HK1: variants seen among roughly 807,000 people sequenced by gnomAD.
HK1 encodes hexokinase-1.
HK1 carries 28 observed loss-of-function variants against 91.6 expected under a neutral mutation model. The observed-to-expected ratio is 0.31, with a 90% CI of 0.23 to 0.42. The LOEUF (loss-of-function observed/expected upper bound fraction) is 0.42, where lower values mean the gene tolerates loss of function less well. Ranked by LOEUF, HK1 falls within the 10% of genes least tolerant of loss-of-function variation. The pLI, the probability that HK1 is intolerant of heterozygous loss-of-function variation, is 1.00. For synonymous variants in HK1, 430 were observed against 468.1 expected, an observed-to-expected ratio of 0.92 and a Z score of 1.05; for missense variants, 770 against 1,219.8, an observed-to-expected ratio of 0.63 and a Z score of 5.49.
chr10:69,328,837 CCTTTTTTTTT>C (rs1217607532), intron 1 of HK1, among the ~76,000 whole-genome samples: 1 of 152,116 alleles, frequency 6.6e-6, no homozygotes, highest in Non-Finnish European at 1.5e-5. Flanking sequence ...CCACTATCTA[CCTTTTTTTTT>C]CTTTTTTTTT....
chr10:69,392,581 G>A (rs888176666), intron 15 of HK1, among the ~76,000 whole-genome samples: 2 of 152,156 alleles, frequency 1.3e-5, no homozygotes, highest in Non-Finnish European at 2.9e-5. Flanking sequence ...TGGCCTTCCG[G>A]TCCCCTTGCT....
intron 2 of HK1, among the ~76,000 whole-genome samples, chr10:69,359,247 A>G (rs7094651): frequency 0.47 from 71,439 of 151,914 alleles, 18,148 homozygotes; most frequent in African/African-American, 0.66. Context: ...GGAAATGGAA[A>G]TTATTGCTTA....
At chr10:69,370,797 G>T (rs1849960639) in intron 7 of HK1, among the ~76,000 whole-genome samples, 1 of 152,156 alleles carries the variant, frequency 6.6e-6, no homozygotes, top group Non-Finnish European at 1.5e-5. Context: ...ACACACCAGA[G>T]TTGATAAAGA....
At chr10:69,384,507 G>A (rs56299619) in intron 11 of HK1, 26 bp downstream of exon 11, 39,483 of 1,612,956 alleles carry the variant, frequency 0.024, 645 homozygotes, top group African/African-American at 0.069. Context: ...CATAGTGCAT[G>A]TGCACTGCAC....
intron 1 of HK1, among the ~76,000 whole-genome samples, chr10:69,275,878 T>C (rs1369342591): frequency 6.6e-6 from 1 of 151,122 alleles, no homozygotes. Context: ...TCGCCTGAGG[T>C]CAGGAGTTGA....
Position 69,386,377 on chromosome 10 carries a change from G to A in HK1, c.1894G>A (p.Asp632Asn), listed in dbSNP as rs367984091. The change falls in exon 13 of 18, where the codon GAT becomes AAT. Residue 632 changes from aspartate to asparagine, a missense_variant. Coordinates refer to ENST00000359426, the MANE Select transcript of HK1 (RefSeq NM_000188.3). ...GFKATDCVGH[D>N]VVTLLRDAIK... The stretch of plus-strand genomic sequence containing the variant: ...TAAGGCAACAGACTGCGTGGGCCAC[G>A]ATGTAGTCACCTTACTAAGGGATGC... 6 of 1,614,056 alleles carry A rather than the reference G, an allele frequency of 3.7e-6. No individual in the cohort carries two copies. Among genetic ancestry groups the A allele is most frequent in the South Asian group, 3.3e-5 (3 of 91,078 alleles).
chr10:69,360,840 G>T (rs1274908551), intron 3 of HK1, among the ~76,000 whole-genome samples: 1 of 152,200 alleles, frequency 6.6e-6, no homozygotes, highest in Non-Finnish European at 1.5e-5. Flanking sequence ...GGGGCAAGGT[G>T]CACTCCTCCT....
At position 69,382,791 on chromosome 10, in the gene HK1, G is replaced by A. The variant is rs774346463; in HGVS notation, c.1570G>A (p.Glu524Lys). Residue 524 changes from glutamate to lysine, a missense_variant and splice_region_variant, in exon 10 of 18, where the codon GAG (glutamate) becomes AAG (lysine). By Grantham distance (56) the Glu-to-Lys change is moderately conservative. Coordinates refer to ENST00000359426, the MANE Select transcript of HK1 (RefSeq NM_000188.3). ...SFVRRTPDGTENGDFLALDLG... is the reference protein window; with the variant it reads ...SFVRRTPDGTKNGDFLALDLG... ...CGTCCGGAGAACTCCCGACGGGACC[G>A]GTGAGGGCCTGCTGGGGGCTGACAT... The A allele has an allele frequency of 1.9e-6, 3 of 1,610,082 alleles. No homozygotes were observed. Among genetic ancestry groups the A allele is most frequent in the Non-Finnish European group, 2.5e-6 (3 of 1,178,952 alleles).
intron 1 of HK1, among the ~76,000 whole-genome samples, chr10:69,276,108 A>C (rs369897415): frequency 2.0e-5 from 1 of 49,000 alleles, no homozygotes; most frequent in East Asian, 1.4e-3. Context: ...AAAAAAAAAA[A>C]AAAAAAAAAA....
intron 2 of HK1, among the ~76,000 whole-genome samples, chr10:69,286,036 C>A (rs1455375695): frequency 6.6e-6 from 1 of 152,194 alleles, no homozygotes; most frequent in African/African-American, 2.4e-5. Context: ...AAAGAGGTAA[C>A]ATGCATTCTC....
At chr10:69,333,974 G>A (rs1185995328) in intron 1 of HK1, among the ~76,000 whole-genome samples, 2 of 152,162 alleles carry the variant, frequency 1.3e-5, no homozygotes, top group African/African-American at 4.8e-5. Context: ...AGCTGGACAT[G>A]GTGGTGTGCG....
chr10:69,384,962 C>T (rs1417351982), intron 12 of HK1, 47 bp downstream of exon 12: 2 of 1,611,416 alleles, frequency 1.2e-6, no homozygotes, highest in African/African-American at 2.7e-5. Flanking sequence ...CACTGAGTCC[C>T]CTGTGGCCTG....
At chr10:69,386,523 C>T in intron 13 of HK1, 105 bp downstream of exon 13, 1 of 862,896 alleles carries the variant, frequency 1.2e-6, no homozygotes, top group Non-Finnish European at 1.8e-6. Flanking sequence ...GTGGCTCACG[C>T]CTGTAATCCC....
At chr10:69,295,964 C>T (rs1845543862) in intron 4 of HK1, among the ~76,000 whole-genome samples, 1 of 152,158 alleles carries the variant, frequency 6.6e-6, no homozygotes, top group Non-Finnish European at 1.5e-5. Context: ...GGCCTTCCTG[C>T]CTTGGGGATG....
rs1314688256 is a variant in HK1 at position 69,319,027 on chromosome 10, G to A, written c.63+17G>A. On this transcript the variant is annotated intron_variant, in intron 1 of 17. Coordinates refer to ENST00000359426, the MANE Select transcript of HK1 (RefSeq NM_000188.3). ...GTCAAAAAGGTGAGCCCCCGCCCGC[G>A]CCGCCGCTGGTCCTGGCCGCAGCCT... The A allele has an allele frequency of 1.3e-6, 2 of 1,590,022 alleles. No individual in the cohort carries two copies. The highest frequency in any genetic ancestry group is 1.7e-6 in the Non-Finnish European group (2 of 1,169,240).
chr10:69,277,512 G>C (rs1844529017), intron 1 of HK1, among the ~76,000 whole-genome samples: 1 of 152,142 alleles, frequency 6.6e-6, no homozygotes, highest in East Asian at 1.9e-4. Context: ...AGGCTGCAGT[G>C]AGCCATGATC....
At chr10:69,340,578 A>G (rs537016766) in intron 1 of HK1, among the ~76,000 whole-genome samples, 5 of 152,176 alleles carry the variant, frequency 3.3e-5, no homozygotes, top group Non-Finnish European at 5.9e-5. Context: ...AATATTTTAG[A>G]GGTGCGATAT....
At chr10:69,351,541 C>CAA (rs150964944) in intron 2 of HK1, among the ~76,000 whole-genome samples, 1 of 151,838 alleles carries the variant, frequency 6.6e-6, no homozygotes, top group African/African-American at 2.4e-5. Flanking sequence ...AAAAACAAAA[C>CAA]AAAAAAACCC....
At chr10:69,398,514 G>A (rs1840240439) in intron 16 of HK1, 81 bp from the exon 17 acceptor site, 1 of 982,708 alleles carries the variant, frequency 1.0e-6, no homozygotes, top group Non-Finnish European at 1.6e-6. Flanking sequence ...ATTGGGGGCG[G>A]GGGGCGTCCT....
Sources: gnomAD v4.1 joint callset for allele counts (sites outside exome capture counted in the v4.1 genomes callset) on GRCh38, gnomAD v4.1.1 for gene constraint, MANE v1.5 for transcripts, NCBI Gene and HGNC (gene_info 2026-07-23, HGNC 2026-07-21) for gene names.